Variants in TPO observed in about 807,000 individuals in gnomAD.
TPO encodes the protein thyroid peroxidase.
TPO carries 78 observed loss-of-function variants against 96.9 expected under a neutral mutation model. The observed-to-expected ratio is 0.81, with a 90% confidence interval of 0.67 to 0.97. The LOEUF (loss-of-function observed/expected upper bound fraction) is 0.97, where lower values mean the gene tolerates loss of function less well. Among genes scored for constraint, TPO ranks in the 50% least tolerant of loss-of-function variants. The pLI is 0.00. For synonymous variants in TPO, 547 were observed against 538.0 expected (o/e 1.02, Z -0.23); for missense variants, 1,252 against 1,274.8 (o/e 0.98, Z 0.27).
At chr2:1,529,709 CCTCCTCAAATCCCCCCACTGTGAGCAAT>C (rs780066960) in intron 15 of TPO, among the ~76,000 whole-genome samples, 22,253 of 83,946 alleles carry the variant, frequency 0.27, 3,623 homozygotes, top group South Asian at 0.33. Context: ...CTGCGTGCAA[CCTCCTCAAATCCCCCCACTGTGAGCAAT>C]CTCCTCAAAT....
intron 1 of TPO, among the ~76,000 whole-genome samples, chr2:1,393,827 A>T (rs1176498859): frequency 6.6e-6 from 1 of 152,234 alleles, no homozygotes; most frequent in Non-Finnish European, 1.5e-5. Context: ...TAGCTAAATC[A>T]TGGTGACATT....
chr2:1,530,038 A>C (rs1358390022), intron 15 of TPO, among the ~76,000 whole-genome samples: 62 of 84,486 alleles, frequency 7.3e-4, no homozygotes, highest in African/African-American at 1.1e-3. Context: ...AATCACCCCC[A>C]CTCTCTGCAA....
At chr2:1,412,071 G>C (rs929445091), upstream of TPO, among the ~76,000 whole-genome samples, 1 of 152,116 alleles carries the variant, frequency 6.6e-6, no homozygotes, top group Non-Finnish European at 1.5e-5. Context: ...GTCTTTTTAA[G>C]CTGGACTTCA....
At chr2:1,454,199 A>G (rs780578956) in intron 6 of TPO, among the ~76,000 whole-genome samples, 6 of 152,110 alleles carry the variant, frequency 3.9e-5, no homozygotes, top group African/African-American at 7.2e-5. Context: ...TGACTGCTTT[A>G]CTCCCAGAGG....
Position 1,477,328 on chromosome 2 carries a change from G to T in TPO, c.1062G>T (p.Ala354=), listed in dbSNP as rs1209623772. 2 of 1,563,134 alleles carry T rather than the reference G, an allele frequency of 1.3e-6. No individual in the cohort carries two copies. Among genetic ancestry groups the T allele is most frequent in the Admixed American group, 1.9e-5 (1 of 52,280 alleles). ...TSAEGLLRVH[A]RLRDSGRAYL... ...CCGAAGGGCTGCTCCGCGTCCACGC[G>T]CGCCTCCGGGACTCCGGCCGCGCCT... Residue 354 remains alanine, a synonymous_variant, in exon 8 of 17, where the codon GCG becomes GCT. Transcript: ENST00000329066.
chr2:1,505,324 C>T (rs1573464873), intron 14 of TPO, among the ~76,000 whole-genome samples: 1 of 150,302 alleles, frequency 6.7e-6, no homozygotes, highest in Non-Finnish European at 1.5e-5. Context: ...TCTCCTGAGT[C>T]AGGCACACCC....
At chr2:1,480,850 T>TCCCTCCTCCTGCTGCATCCGTCC (rs1296928653) in intron 8 of TPO, among the ~76,000 whole-genome samples, 1 of 60,626 alleles carries the variant, frequency 1.6e-5, no homozygotes, top group African/African-American at 4.7e-5. Context: ...GTCCTCACCA[T>TCCCTCCTCCTGCTGCATCCGTCC]ACCCACTCTA....
At chr2:1,412,191 A>G (rs199925487), upstream of TPO, among the ~76,000 whole-genome samples, 14 of 152,170 alleles carry the variant, frequency 9.2e-5, no homozygotes, top group South Asian at 4.1e-4. Context: ...TTTGCTTGTC[A>G]CAGCCAGTCT....
intron 1 of TPO, among the ~76,000 whole-genome samples, chr2:1,385,596 CTCTTT>C (rs1213181180): frequency 4.6e-5 from 7 of 151,148 alleles, no homozygotes; most frequent in Non-Finnish European, 7.4e-5. Context: ...TGATTCTTCT[CTCTTT>C]TCTTCTTTAT....
At chr2:1,431,938 C>T (rs73170208) in intron 3 of TPO, among the ~76,000 whole-genome samples, 7,958 of 152,272 alleles carry the variant, frequency 0.052, 578 homozygotes, top group African/African-American at 0.15. Context: ...TTCTGTCTGG[C>T]GTCTGACACT....
At chr2:1,540,496 A>G in intron 15 of TPO, 98 bp from the exon 16 acceptor site, 4 of 1,598,630 alleles carry the variant, frequency 2.5e-6, no homozygotes, top group Non-Finnish European at 3.4e-6. Flanking sequence ...TGCCAAAGAC[A>G]AGCACGGCTG....
At chr2:1,433,688 C>G (rs938303540) in intron 4 of TPO, 81 bp downstream of exon 4, 27 of 1,533,042 alleles carry the variant, frequency 1.8e-5, no homozygotes, top group Non-Finnish European at 2.1e-5. Context: ...GCTGCTTGCT[C>G]AGGGCATGTT....
At chr2:1,390,250 T>G (rs1331481635) in intron 1 of TPO, among the ~76,000 whole-genome samples, 1 of 152,158 alleles carries the variant, frequency 6.6e-6, no homozygotes, top group Non-Finnish European at 1.5e-5. Context: ...TTCCTACCTG[T>G]GAGTGAGAAC....
chr2:1,441,688 G>C (rs1295683017), intron 5 of TPO, among the ~76,000 whole-genome samples: 1 of 152,170 alleles, frequency 6.6e-6, no homozygotes, highest in Non-Finnish European at 1.5e-5. Context: ...GAGCTGGGGG[G>C]TAGGAGGTGG....
At chr2:1,422,296 C>CGCAGCCGCCTCTCCTGGACAGACCTCGT (rs1663639155) in intron 2 of TPO, among the ~76,000 whole-genome samples, 1 of 60,336 alleles carries the variant, frequency 1.7e-5, no homozygotes, top group Non-Finnish European at 3.4e-5. Context: ...TTGAAGACCC[C>CGCAGCCGCCTCTCCTGGACAGACCTCGT]GCAGGCGCCT....
rs575126367 is a variant in TPO, at chr2:1,477,402, C to G, written c.1136C>G (p.Pro379Arg). 1.9e-4 allele frequency: 285 copies of G among 1,524,830 alleles called. No homozygotes were observed. In the African/African-American group the frequency reaches 3.9e-3, roughly 21 times the overall value. The allele number at this position is 1,524,830 out of a possible 1,614,324, so 94.5% of individuals were successfully genotyped here. Residue 379 changes from proline to arginine, a missense_variant, in exon 8 of 17, where the codon CCC (proline) becomes CGC (arginine). Transcript: ENST00000329066. ...PRAPAACAPE[P>R]GIPGETRGPC... ...GCGCCTGCGGCCTGTGCGCCCGAGC[C>G]CGGCATCCCCGGAGAGACCCGCGGG... is the stretch of plus-strand genomic sequence containing the variant.
chr2:1,515,798 G>A (rs1674637337), intron 14 of TPO, among the ~76,000 whole-genome samples: 1 of 152,054 alleles, frequency 6.6e-6, no homozygotes, highest in South Asian at 2.1e-4. Context: ...CATTCCCCCA[G>A]CCGCTGCCTC....
intron 1 of TPO, among the ~76,000 whole-genome samples, chr2:1,398,562 C>G (rs1473130237): frequency 6.6e-6 from 1 of 152,212 alleles, no homozygotes; most frequent in African/African-American, 2.4e-5. Context: ...AGGCGGAGAC[C>G]TCTGTCCCTT....
intron 1 of TPO, among the ~76,000 whole-genome samples, chr2:1,395,250 C>G (rs1662062338): frequency 6.6e-6 from 1 of 152,102 alleles, no homozygotes; most frequent in African/African-American, 2.4e-5. Context: ...ATAAGAAACT[C>G]ATTTCCCCAA....
Sources: allele counts gnomAD v4.1 joint callset (sites outside exome capture counted in the v4.1 genomes callset), GRCh38; gene constraint gnomAD v4.1.1; transcripts MANE v1.5; gene names NCBI Gene and HGNC (gene_info 2026-07-23, HGNC 2026-07-21).